MACROD2: variants seen among roughly 807,000 people sequenced by gnomAD.
The protein encoded by MACROD2 is mono-ADP ribosylhydrolase 2.
Under a neutral mutation model 70.4 loss-of-function variants are expected in MACROD2, and 36 were observed. The observed-to-expected ratio is 0.51, with a 90% CI of 0.39 to 0.68. The LOEUF (loss-of-function observed/expected upper bound fraction) is 0.68. Among genes scored for constraint, MACROD2 ranks in the 30% least tolerant of loss-of-function variants. The pLI is 0.00. For synonymous variants in MACROD2, 172 were observed against 178.8 expected, an observed-to-expected ratio of 0.96 and a Z score of 0.30; for missense variants, 496 against 538.4, an observed-to-expected ratio of 0.92 and a Z score of 0.78.
chr20:14,967,797 T>G (rs1251453447), intron 5 of MACROD2, among the ~76,000 whole-genome samples: 2 of 152,178 alleles, frequency 1.3e-5, no homozygotes, highest in Admixed American at 6.5e-5. Flanking sequence ...TGAACAAAAC[T>G]TAGCTTTCCT....
In MACROD2 at chr20:15,885,756, T is replaced by C; in HGVS notation, c.728-8T>C. 6.7e-7 allele frequency: 1 copy of C among 1,482,280 alleles called. No individual in the cohort carries two copies. The highest frequency in any genetic ancestry group is 9.0e-7 in the Non-Finnish European group (1 of 1,115,188). 91.8% of individuals were successfully genotyped at this position (1,482,280 alleles called of 1,614,324 possible). ...AGTATTTCTTTATGTTTTCCTATTT[T>C]TTAACAGACGATAATAATGAAGAAG... On this transcript the variant is annotated splice_region_variant and splice_polypyrimidine_tract_variant and intron_variant, in intron 9 of 17. Transcript: ENST00000684519.
chr20:14,882,759 G>A (rs2073624651), intron 5 of MACROD2, among the ~76,000 whole-genome samples: 1 of 148,934 alleles, frequency 6.7e-6, no homozygotes, highest in South Asian at 2.2e-4. Flanking sequence ...GTCACCAAAG[G>A]AAATATGTTG....
At chr20:14,231,659 A>G (rs1003757171) in intron 3 of MACROD2, among the ~76,000 whole-genome samples, 7 of 152,220 alleles carry the variant, frequency 4.6e-5, no homozygotes, top group Non-Finnish European at 1.5e-5. Context: ...ATACCCAGTA[A>G]TGGGATGGCT....
chr20:14,456,338 A>AT (rs1349734623), intron 3 of MACROD2, among the ~76,000 whole-genome samples: 1 of 151,716 alleles, frequency 6.6e-6, no homozygotes, highest in Non-Finnish European at 1.5e-5. Context: ...ATAGCACAGT[A>AT]TTTTTTCTAG....
At chr20:14,133,155 A>T (rs1214563612) in intron 3 of MACROD2, among the ~76,000 whole-genome samples, 1 of 152,168 alleles carries the variant, frequency 6.6e-6, no homozygotes, top group African/African-American at 2.4e-5. Flanking sequence ...CCATCCCATT[A>T]CCCTGAATAA....
intron 5 of MACROD2, among the ~76,000 whole-genome samples, chr20:14,820,357 C>CTTTTTTTTTTTTTTTTTTTTTT (rs11475238): frequency 8.6e-6 from 1 of 116,138 alleles, no homozygotes; most frequent in Non-Finnish European, 1.8e-5. Context: ...ATTTTTCTTC[C>CTTTTTTTTTTTTTTTTTTTTTT]TTTTTTTTTT....
At chr20:14,509,281 T>A (rs905623530) in intron 4 of MACROD2, among the ~76,000 whole-genome samples, 7 of 152,138 alleles carry the variant, frequency 4.6e-5, no homozygotes, top group Non-Finnish European at 7.4e-5. Context: ...TACAATTTTT[T>A]AATTGGGACA....
intron 8 of MACROD2, among the ~76,000 whole-genome samples, chr20:15,607,818 G>A (rs2048914548): frequency 6.6e-6 from 1 of 152,210 alleles, no homozygotes; most frequent in African/African-American, 2.4e-5. Flanking sequence ...ACAGGTGTAA[G>A]TTACCGCGCC....
intron 6 of MACROD2, among the ~76,000 whole-genome samples, chr20:15,349,150 G>A (rs943292244): frequency 6.6e-5 from 10 of 152,134 alleles, no homozygotes; most frequent in East Asian, 5.8e-4. Context: ...CACCCAGTGC[G>A]TTGTGTTATA....
chr20:15,049,480 A>G (rs2075422089), intron 5 of MACROD2, among the ~76,000 whole-genome samples: 1 of 152,204 alleles, frequency 6.6e-6, no homozygotes, highest in Non-Finnish European at 1.5e-5. Flanking sequence ...AAAAATCAAT[A>G]TATGTATGAT....
intron 3 of MACROD2, among the ~76,000 whole-genome samples, chr20:14,186,087 A>G (rs1187242892): frequency 1.3e-5 from 2 of 152,124 alleles, no homozygotes; most frequent in African/African-American, 2.4e-5. Flanking sequence ...CAACCCAGCT[A>G]GCTTCTGACA....
In MACROD2 at chr20:15,994,192, G is replaced by C. The variant is rs142969522; in HGVS notation, c.1153+7034G>C. Among the ~76,000 whole-genome samples, 294 of 152,312 alleles carry C rather than the reference G, an allele frequency of 1.9e-3. 1 individual carries two copies. Among genetic ancestry groups the C allele is most frequent in the African/African-American group, 6.6e-3 (274 of 41,566 alleles). On this transcript the variant is annotated intron_variant, in intron 15 of 17. Coordinates refer to ENST00000684519, the MANE Select transcript of MACROD2 (RefSeq NM_001351661.2). ...GTAGCTTCCAACTTCATCTGAGGTT[G>C]TAGTTTACTTGCTATTGTTTTATGG...
chr20:15,205,069 G>T (rs1354718610), intron 5 of MACROD2, among the ~76,000 whole-genome samples: 1 of 152,154 alleles, frequency 6.6e-6, no homozygotes, highest in Non-Finnish European at 1.5e-5. Context: ...TACACCCTGT[G>T]TCAAACACTG....
At chr20:14,613,766 A>G (rs1376979582) in intron 4 of MACROD2, among the ~76,000 whole-genome samples, 1 of 152,102 alleles carries the variant, frequency 6.6e-6, no homozygotes, top group Admixed American at 6.6e-5. Flanking sequence ...AAAAGAACAA[A>G]GAGCATTCCA....
chr20:14,235,431 AG>A (rs1396714782), intron 3 of MACROD2, among the ~76,000 whole-genome samples: 1 of 152,184 alleles, frequency 6.6e-6, no homozygotes, highest in Admixed American at 6.5e-5. Flanking sequence ...CACAGCTAGC[AG>A]GGAGACCATG....
At chr20:15,620,501 G>T (rs140574347) in intron 8 of MACROD2, among the ~76,000 whole-genome samples, 110 of 152,242 alleles carry the variant, frequency 7.2e-4, no homozygotes, top group Non-Finnish European at 1.2e-3. Flanking sequence ...CCTACCTCAG[G>T]CAGTAATAGG....
intron 5 of MACROD2, among the ~76,000 whole-genome samples, chr20:14,886,430 A>T (rs2073676697): frequency 6.6e-6 from 1 of 152,180 alleles, no homozygotes; most frequent in East Asian, 1.9e-4. Context: ...TTTGGTCATA[A>T]GTAAGGTGGG....
intron 3 of MACROD2, among the ~76,000 whole-genome samples, chr20:14,221,427 C>G (rs892791454): frequency 7.9e-5 from 12 of 152,098 alleles, no homozygotes; most frequent in African/African-American, 2.7e-4. Context: ...ATAGGTATTA[C>G]CCCCTGCAGA....
At chr20:15,202,112 G>A (rs958768561) in intron 5 of MACROD2, among the ~76,000 whole-genome samples, 2 of 152,126 alleles carry the variant, frequency 1.3e-5, no homozygotes, top group Non-Finnish European at 2.9e-5. Context: ...AGGACCAGAC[G>A]AACCACTTAT....
Sources: gnomAD v4.1 joint callset for allele counts (sites outside exome capture counted in the v4.1 genomes callset) on GRCh38, gnomAD v4.1.1 for gene constraint, MANE v1.5 for transcripts, NCBI Gene and HGNC (gene_info 2026-07-23, HGNC 2026-07-21) for gene names.